Variants in LRRC69 observed in about 807,000 individuals in gnomAD.
LRRC69 encodes leucine rich repeat containing 69.
Under a neutral mutation model 37.8 loss-of-function variants are expected in LRRC69, and 42 were observed. That is an observed-to-expected ratio of 1.11 (90% CI 0.87 to 1.44). The LOEUF is 1.44. LRRC69 is among the 40% of genes most tolerant of loss of function. The probability of loss-of-function intolerance (pLI) is 0.00; values close to 1 mark genes in which losing one functional copy is unlikely to be tolerated. For missense variants in LRRC69, 357 were observed against 401.9 expected, an observed-to-expected ratio of 0.89 and a Z score of 0.96; for synonymous variants, 141 against 143.1, an observed-to-expected ratio of 0.99 and a Z score of 0.11.
At chr8:91,161,909 C>T (rs1412523201) in intron 5 of LRRC69, among the ~76,000 whole-genome samples, 1 of 151,308 alleles carries the variant, frequency 6.6e-6, no homozygotes, top group Non-Finnish European at 1.5e-5. Context: ...AAACTTCCCT[C>T]TTAGTAATGC....
chr8:91,205,761 C>A (rs1415106026), intron 7 of LRRC69, among the ~76,000 whole-genome samples: 1 of 151,938 alleles, frequency 6.6e-6, no homozygotes, highest in Non-Finnish European at 1.5e-5. Context: ...GTGCTTAAGA[C>A]AAAAAAATAA....
intron 5 of LRRC69, among the ~76,000 whole-genome samples, chr8:91,160,304 T>G (rs1027129466): frequency 6.6e-6 from 1 of 150,924 alleles, no homozygotes; most frequent in African/African-American, 2.4e-5. Context: ...TTTTTTGTTT[T>G]TTTTTTTAAA....
At chr8:91,182,149 G>A (rs1008436040) in intron 5 of LRRC69, among the ~76,000 whole-genome samples, 9 of 152,040 alleles carry the variant, frequency 5.9e-5, no homozygotes, top group African/African-American at 1.9e-4. Flanking sequence ...AAATATAAAA[G>A]TGCATAAAAA....
At chr8:91,190,429 CA>C (rs561863934) in intron 6 of LRRC69, among the ~76,000 whole-genome samples, 2 of 150,666 alleles carry the variant, frequency 1.3e-5, no homozygotes, top group East Asian at 1.9e-4. Flanking sequence ...GAAATTAGGG[CA>C]AAAAAAAGCC....
intron 2 of LRRC69, 170 bp downstream of exon 2, chr8:91,124,789 G>T (rs1193259782): frequency 3.6e-6 from 2 of 552,196 alleles, no homozygotes; most frequent in Non-Finnish European, 6.1e-6. Context: ...AAAAAGTATT[G>T]TATCATATGT....
intron 7 of LRRC69, among the ~76,000 whole-genome samples, chr8:91,210,570 C>CACACACAT (rs1809894399): frequency 4.2e-5 from 2 of 47,756 alleles, no homozygotes; most frequent in Non-Finnish European, 7.4e-5. Context: ...CAGACACACA[C>CACACACAT]ACACACACAC....
At chr8:91,140,243 A>G (rs1387251388) in intron 5 of LRRC69, among the ~76,000 whole-genome samples, 1 of 151,964 alleles carries the variant, frequency 6.6e-6, no homozygotes, top group African/African-American at 2.4e-5. Flanking sequence ...GAACATTCTC[A>G]GTTTTCTCAC....
intron 1 of LRRC69, among the ~76,000 whole-genome samples, chr8:91,115,623 A>G: frequency 6.6e-6 from 1 of 151,990 alleles, no homozygotes; most frequent in East Asian, 1.9e-4. Context: ...AAACTTTTCC[A>G]GTCTAAATGT....
intron 5 of LRRC69, among the ~76,000 whole-genome samples, chr8:91,180,864 T>G (rs145134681): frequency 6.6e-6 from 1 of 151,876 alleles, no homozygotes; most frequent in Non-Finnish European, 1.5e-5. Flanking sequence ...CAGTGAGAGA[T>G]GGAAGTGGGG....
intron 5 of LRRC69, chr8:91,158,520 G>A (rs559151598): frequency 6.7e-5 from 75 of 1,121,990 alleles, no homozygotes; most frequent in South Asian, 5.4e-4. Flanking sequence ...GCCAATGGGC[G>A]ATGAAATAGA....
chr8:91,103,144 A>G (rs1386467221), intron 1 of LRRC69, among the ~76,000 whole-genome samples: 1 of 152,032 alleles, frequency 6.6e-6, no homozygotes, highest in Non-Finnish European at 1.5e-5. Flanking sequence ...GGGGTTGGAA[A>G]CCTGGATCTG....
chr8:91,208,155 T>C (rs1809838713), intron 7 of LRRC69, among the ~76,000 whole-genome samples: 1 of 152,164 alleles, frequency 6.6e-6, no homozygotes, highest in South Asian at 2.1e-4. Flanking sequence ...TACAGTGACA[T>C]TCGGAGATAC....
intron 5 of LRRC69, among the ~76,000 whole-genome samples, chr8:91,149,585 T>C (rs1225156318): frequency 6.6e-6 from 1 of 152,022 alleles, no homozygotes. Flanking sequence ...TTTGGTTCCA[T>C]ATGAACTTTA....
intron 1 of LRRC69, among the ~76,000 whole-genome samples, chr8:91,106,970 T>A (rs60166362): frequency 0.6 from 89,240 of 149,918 alleles, 26,930 homozygotes; most frequent in South Asian, 0.67. Context: ...TTAAAAAAAT[T>A]TTTTTTTTTT....
chr8:91,199,988 A>G (rs370591140), intron 6 of LRRC69, among the ~76,000 whole-genome samples: 10 of 152,164 alleles, frequency 6.6e-5, no homozygotes, highest in Non-Finnish European at 1.3e-4. Context: ...TTAAATTCAC[A>G]TATTTGGTTC....
Position 91,196,861 on chromosome 8 carries a change from C to G in LRRC69, c.754-3752C>G, listed in dbSNP as rs188520209. 5.3e-5 allele frequency among the ~76,000 whole-genome samples: 8 copies of G among 152,350 alleles called. No homozygotes were observed. In the East Asian group the frequency reaches 1.5e-3, roughly 29 times the overall value. ...TCAGCTTGTCAAAGTTGTTCTCCGTCCAGCTTTGTTCCATTGCTGGTGAGG... is the reference window on the plus strand; with the variant it reads ...TCAGCTTGTCAAAGTTGTTCTCCGTGCAGCTTTGTTCCATTGCTGGTGAGG... On this transcript the variant is annotated intron_variant, in intron 6 of 7. Coordinates refer to ENST00000448384, the Ensembl canonical transcript of LRRC69.
rs144268255 is a variant in LRRC69 at position 91,147,341 on chromosome 8, C to T, written c.651+11602C>T. Among the ~76,000 whole-genome samples, 816 of 149,076 alleles carry T rather than the reference C, an allele frequency of 5.5e-3. 11 individuals are homozygous for T. The highest frequency in any genetic ancestry group is 0.019 in the African/African-American group (791 of 40,968). On this transcript the variant is annotated intron_variant, in intron 5 of 7. Coordinates refer to ENST00000448384, the Ensembl canonical transcript of LRRC69. ...CGTTTACATGATATATCTATTTTCA[C>T]TGCCTACTTTCAACCTTTTTATATC...
intron 5 of LRRC69, among the ~76,000 whole-genome samples, chr8:91,184,123 C>T (rs1809367955): frequency 6.6e-6 from 1 of 151,936 alleles, no homozygotes; most frequent in African/African-American, 2.4e-5. Flanking sequence ...GCCAAAAATA[C>T]AAAAAATTAG....
intron 5 of LRRC69, among the ~76,000 whole-genome samples, chr8:91,169,149 A>G (rs1809080704): frequency 6.6e-6 from 1 of 151,988 alleles, no homozygotes; most frequent in South Asian, 2.1e-4. Context: ...AAACTAACCC[A>G]GGAACAGAAA....
Sources: allele counts gnomAD v4.1 joint callset (sites outside exome capture counted in the v4.1 genomes callset), GRCh38; gene constraint gnomAD v4.1.1; transcripts MANE v1.5; gene names NCBI Gene and HGNC (gene_info 2026-07-23, HGNC 2026-07-21).